SETBP1: variants seen among roughly 807,000 people sequenced by gnomAD.
SETBP1 encodes SET binding protein 1.
Under a neutral mutation model 101.0 loss-of-function variants are expected in SETBP1, and 9 were observed. The observed-to-expected ratio is 0.09, with a 90% CI of 0.05 to 0.16. SETBP1 has a LOEUF of 0.16. Among genes scored for constraint, SETBP1 ranks in the 10% least tolerant of loss-of-function variants. SETBP1 has a pLI of 1.00. For missense variants in SETBP1, 1,858 were observed against 2,033.8 expected (o/e 0.91, Z 1.66); for synonymous variants, 818 against 788.5 (o/e 1.04, Z -0.63).
chr18:45,051,045 G>C (rs1306693232), intron 5 of SETBP1, among the ~76,000 whole-genome samples: 2 of 152,116 alleles, frequency 1.3e-5, no homozygotes, highest in African/African-American at 4.8e-5. Flanking sequence ...GTAATTAATG[G>C]GAAGCAGACT....
intron 4 of SETBP1, among the ~76,000 whole-genome samples, chr18:44,967,084 C>G (rs1599387075): frequency 2.0e-5 from 3 of 152,340 alleles, no homozygotes; most frequent in East Asian, 1.9e-4. Flanking sequence ...CCCAATTACA[C>G]TCTTACTGGG....
chr18:44,985,877 T>C (rs2072220298), intron 4 of SETBP1, among the ~76,000 whole-genome samples: 1 of 152,212 alleles, frequency 6.6e-6, no homozygotes, highest in South Asian at 2.1e-4. Flanking sequence ...GACTTTTTGA[T>C]TTAGAAACAA....
rs2073966573 is a variant in SETBP1, at chr18:45,066,423, C to A, written c.*2725C>A. 6.6e-6 allele frequency: 1 copy of A among 152,074 alleles called. No homozygotes were observed. The highest frequency in any genetic ancestry group is 2.1e-4 in the South Asian group (1 of 4,818). The allele number at this position is 152,074 out of a possible 1,614,324, so 9.4% of individuals were successfully genotyped here. A position where few individuals can be genotyped will look rare whatever the true frequency, so the allele number is the denominator to read the frequency against. ...AGCTTCCTCTCTCCACCACCCAGTT[C>A]CTCCCTCAGTATCACATTATTTTTT... On this transcript the variant is annotated 3_prime_UTR_variant, in exon 6 of 6. Coordinates refer to ENST00000649279, the MANE Select transcript of SETBP1 (RefSeq NM_015559.3).
At chr18:45,035,032 A>G (rs1332818841) in intron 4 of SETBP1, among the ~76,000 whole-genome samples, 3 of 149,166 alleles carry the variant, frequency 2.0e-5, no homozygotes. Context: ...TGCTCATCAT[A>G]GAATATCAGT....
chr18:45,050,715 C>T (rs1475077485), intron 5 of SETBP1, among the ~76,000 whole-genome samples: 1 of 152,136 alleles, frequency 6.6e-6, no homozygotes, highest in Non-Finnish European at 1.5e-5. Flanking sequence ...GGCCGGGATC[C>T]AGGGCTAGCC....
At chr18:44,703,779 A>C (rs1473060411) in intron 2 of SETBP1, among the ~76,000 whole-genome samples, 2 of 152,182 alleles carry the variant, frequency 1.3e-5, no homozygotes, top group Non-Finnish European at 2.9e-5. Flanking sequence ...CGTGAAACCA[A>C]AGGTTTAATC....
At position 44,773,634 on chromosome 18, in the gene SETBP1, TCCCAAC is replaced by T. The variant is rs766373579; in HGVS notation, c.486+71803_486+71808del. On this transcript the variant is annotated intron_variant, in intron 2 of 5. Transcript: ENST00000649279. Reference sequence around the variant, plus strand: ...AGAGTTCCACTCTTTAAGTGTGTATTCCCAACTGATGGAAAATAACACCCAAACCAA... The same window carrying T: ...AGAGTTCCACTCTTTAAGTGTGTATTTGATGGAAAATAACACCCAAACCAA... 5.4e-3 allele frequency among the ~76,000 whole-genome samples: 825 copies of T among 152,266 alleles called. 3 individuals carry two copies. Among genetic ancestry groups the T allele is most frequent in the Non-Finnish European group, 8.9e-3 (602 of 68,020 alleles).
chr18:44,928,946 T>G (rs1001077517), intron 3 of SETBP1, among the ~76,000 whole-genome samples: 4 of 152,242 alleles, frequency 2.6e-5, no homozygotes, highest in South Asian at 2.1e-4. Flanking sequence ...TAGATCCCAT[T>G]TGTCAATTTT....
In SETBP1 at chr18:44,705,644, G is replaced by C. The variant is rs899745037; in HGVS notation, c.486+3812G>C. ...ATCCCAAATGATTTTCGTTTTCATT[G>C]GTGTTTGAAAAGAAAGCTCTGTGTG... On this transcript the variant is annotated intron_variant, in intron 2 of 5. Transcript: ENST00000649279. Among the ~76,000 whole-genome samples the C allele has an allele frequency of 2.6e-5, 4 of 152,226 alleles. No individual in the cohort carries two copies. The East Asian group carries it at 7.7e-4, about 29-fold the overall frequency.
At chr18:44,973,192 T>C (rs1233612977) in intron 4 of SETBP1, among the ~76,000 whole-genome samples, 1 of 152,222 alleles carries the variant, frequency 6.6e-6, no homozygotes, top group African/African-American at 2.4e-5. Flanking sequence ...TTGATTTGCA[T>C]ATGTTGAACC....
intron 2 of SETBP1, among the ~76,000 whole-genome samples, chr18:44,827,312 C>T (rs1261905871): frequency 2.0e-5 from 3 of 152,128 alleles, no homozygotes; most frequent in Non-Finnish European, 4.4e-5. Context: ...AACTGCATCC[C>T]CTTCCTCACT....
At chr18:44,791,250 C>G (rs558164304) in intron 2 of SETBP1, among the ~76,000 whole-genome samples, 1 of 152,162 alleles carries the variant, frequency 6.6e-6, no homozygotes, top group Non-Finnish European at 1.5e-5. Context: ...CACTAAACAC[C>G]CTCAAATGCA....
rs969225310 is a variant in SETBP1, at chr18:45,024,982, G to C, written c.4001-13503G>C. On this transcript the variant is annotated intron_variant, in intron 4 of 5. Transcript: ENST00000649279. ...GTGAAATGAGCCCAATGTGAAGGGA[G>C]CCGCCTGGAGGCACTAAAGTTTATC... Among the ~76,000 whole-genome samples, 12 of 152,308 alleles carry C rather than the reference G, an allele frequency of 7.9e-5. No individual in the cohort carries two copies. The South Asian group carries it at 1.0e-3, about 13-fold the overall frequency.
chr18:44,705,722 C>T (rs756008551), intron 2 of SETBP1, among the ~76,000 whole-genome samples: 1 of 152,172 alleles, frequency 6.6e-6, no homozygotes, highest in Non-Finnish European at 1.5e-5. Context: ...GATGTTAACT[C>T]TAGTTATACA....
intron 3 of SETBP1, among the ~76,000 whole-genome samples, chr18:44,934,866 CG>C (rs1437553101): frequency 6.6e-6 from 1 of 152,106 alleles, no homozygotes; most frequent in Non-Finnish European, 1.5e-5. Flanking sequence ...AGAATAAAGA[CG>C]GAAGACAGTC....
intron 3 of SETBP1, chr18:44,876,740 C>A (rs2069415277): frequency 2.6e-6 from 4 of 1,534,276 alleles, no homozygotes; most frequent in East Asian, 2.5e-5. Context: ...GCAGTCTGGG[C>A]ACAAGAAGTA....
chr18:44,680,203 T>TCGC (rs1236617617), upstream of SETBP1: 1 of 140,758 alleles, frequency 7.1e-6, no homozygotes, highest in African/African-American at 2.6e-5. Flanking sequence ...CGCCCGCCGC[T>TCGC]CGCCGCCGCC....
chr18:44,904,494 C>G lies in SETBP1; in HGVS notation c.540+35211C>G, dbSNP rs116560007. Among the ~76,000 whole-genome samples, 259 of 152,108 alleles carry G rather than the reference C, an allele frequency of 1.7e-3. 1 individual carries two copies. Among genetic ancestry groups the G allele is most frequent in the African/African-American group, 6.0e-3 (251 of 41,488 alleles). ...AAAGATGTCAATAAAGTTGGTATTACCAATAAGAAAAAAAGAAACCTCCCA... is the reference window on the plus strand; with the variant it reads ...AAAGATGTCAATAAAGTTGGTATTAGCAATAAGAAAAAAAGAAACCTCCCA... On this transcript the variant is annotated intron_variant, in intron 3 of 5. Transcript: ENST00000649279.
At position 44,851,546 on chromosome 18, in the gene SETBP1, T is replaced by G. The variant is rs1449381999; in HGVS notation, c.487-17684T>G. On this transcript the variant is annotated intron_variant, in intron 2 of 5. Transcript: ENST00000649279. The stretch of plus-strand genomic sequence containing the variant: ...TCTCCCAGCATGAGCCTACACGGTC[T>G]CTGTACCAGCTGTGCATCACTTCAG... 2.6e-5 allele frequency among the ~76,000 whole-genome samples: 4 copies of G among 152,238 alleles called. No individual in the cohort carries two copies. The East Asian group carries it at 7.7e-4, about 29-fold the overall frequency.
Sources: gnomAD v4.1 joint callset for allele counts (sites outside exome capture counted in the v4.1 genomes callset) on GRCh38, gnomAD v4.1.1 for gene constraint, MANE v1.5 for transcripts, NCBI Gene and HGNC (gene_info 2026-07-23, HGNC 2026-07-21) for gene names.